Variants in HSD3B1 observed in about 807,000 individuals in gnomAD.
HSD3B1 encodes hydroxy-delta-5-steroid dehydrogenase, 3 beta- and steroid delta-isomerase 1.
HSD3B1 carries 11 observed loss-of-function variants against 10.4 expected under a neutral mutation model. That is an observed-to-expected ratio of 1.05 (90% CI 0.66 to 1.75). The LOEUF (loss-of-function observed/expected upper bound fraction) is 1.75. Among genes scored for constraint, HSD3B1 ranks in the 40% most tolerant of loss-of-function variants. The pLI is 0.00. For synonymous variants in HSD3B1, 217 were observed against 185.4 expected, an observed-to-expected ratio of 1.17 and a Z score of -1.39; for missense variants, 490 against 454.5, an observed-to-expected ratio of 1.08 and a Z score of -0.71.
chr1:119,507,252 TCTAA>T lies in HSD3B1; in HGVS notation c.-91_-88del, dbSNP rs1297606752. 2 of 524,266 alleles carry T rather than the reference TCTAA, an allele frequency of 3.8e-6. No individual in the cohort carries two copies. Among genetic ancestry groups the T allele is most frequent in the African/African-American group, 3.8e-5 (2 of 51,994 alleles). 32.5% of individuals were successfully genotyped at this position (524,266 alleles called of 1,614,324 possible). Reference sequence around the variant, plus strand: ...CACTCTTCTGTCCAGCTTTTAACAATCTAACTAATGGTTAGAGATTTTTCATTTT... The same window carrying T: ...CACTCTTCTGTCCAGCTTTTAACAATCTAATGGTTAGAGATTTTTCATTTT... On this transcript the variant is annotated 5_prime_UTR_variant, in exon 1 of 4. It adds an upstream start codon to the 5' untranslated region. Transcript: ENST00000369413.
intron 2 of HSD3B1, among the ~76,000 whole-genome samples, chr1:119,510,712 G>GTTT (rs1265546430): frequency 7.2e-4 from 28 of 39,094 alleles, no homozygotes; most frequent in Non-Finnish European, 1.3e-3. Flanking sequence ...TGCTTGTGTG[G>GTTT]TTTTCTTTTT....
chr1:119,510,743 TTTTTTTTTTTTG>T (rs1653914578), intron 2 of HSD3B1, among the ~76,000 whole-genome samples: 2 of 93,276 alleles, frequency 2.1e-5, no homozygotes, highest in South Asian at 4.4e-4. Flanking sequence ...TTTTTTTTTT[TTTTTTTTTTTTG>T]AGACAAGGTG....
rs1234276841 is a variant in HSD3B1 at position 119,513,934 on chromosome 1, C to G, written c.411C>G (p.Ile137Met). The G allele has an allele frequency of 3.1e-6, 5 of 1,613,930 alleles. No individual in the cohort carries two copies. The Admixed American group carries it at 6.7e-5, about 22-fold the overall frequency. Residue 137 changes from isoleucine to methionine, a missense_variant, in exon 4 of 4, where the codon ATC (isoleucine) becomes ATG (methionine). Physicochemically the swap from Ile to Met is conservative, Grantham distance 10 (BLOSUM62 1). Coordinates refer to ENST00000369413, the MANE Select transcript of HSD3B1 (RefSeq NM_000862.3). ...CCGGGCCCAACTCCTACAAGGAAAT[C>G]ATCCAGAATGGCCATGAAGAAGAGC... ...EVAGPNSYKE[I>M]IQNGHEEEPL...
intron 3 of HSD3B1, among the ~76,000 whole-genome samples, chr1:119,512,130 C>A (rs1224290251): frequency 6.6e-6 from 1 of 152,174 alleles, no homozygotes; most frequent in Non-Finnish European, 1.5e-5. Flanking sequence ...ACATTCAGAG[C>A]CCTCCTGCCC....
chr1:119,514,188 AC>A lies in HSD3B1; in HGVS notation c.668del (p.Pro223GlnfsTer15), dbSNP rs1261073564. ...AGTGTTGGAAAGTTCTCCACTGTTA[AC>A]CCAGTCTATGTTGGCAATGTGGCCT... is the stretch of plus-strand genomic sequence containing the variant. ...LSSVGKFSTV[N>X]PVYVGNVAWA... On this transcript the variant is annotated frameshift_variant, in exon 4 of 4. Transcript: ENST00000369413. LOFTEE classifies it low-confidence loss of function (END_TRUNC). 8.2e-5 allele frequency: 133 copies of A among 1,613,572 alleles called. No individual in the cohort carries two copies. Among genetic ancestry groups the A allele is most frequent in the Non-Finnish European group, 1.1e-4 (128 of 1,179,666 alleles).
Position 119,514,190 on chromosome 1 carries a change from C to G in HSD3B1, c.667C>G (p.Pro223Ala). 4 of 1,613,446 alleles carry G rather than the reference C, an allele frequency of 2.5e-6. No homozygotes were observed. The highest frequency in any genetic ancestry group is 3.4e-6 in the Non-Finnish European group (4 of 1,179,412). Residue 223 changes from proline to alanine, a missense_variant, in exon 4 of 4, where the codon CCA (proline) becomes GCA (alanine). Physicochemically the swap from Pro to Ala is conservative, Grantham distance 27. Transcript: ENST00000369413. ...SSVGKFSTVN[P>A]VYVGNVAWAH... The stretch of plus-strand genomic sequence containing the variant: ...TGTTGGAAAGTTCTCCACTGTTAAC[C>G]CAGTCTATGTTGGCAATGTGGCCTG...
At chr1:119,509,738 G>A (rs1187825485) in intron 2 of HSD3B1, among the ~76,000 whole-genome samples, 2 of 152,174 alleles carry the variant, frequency 1.3e-5, no homozygotes, top group East Asian at 1.9e-4. Flanking sequence ...AGAGCAAGTG[G>A]TCCTGCTTGT....
intron 2 of HSD3B1, among the ~76,000 whole-genome samples, chr1:119,509,016 T>C (rs7521487): frequency 0.016 from 2,415 of 152,326 alleles, 72 homozygotes; most frequent in African/African-American, 0.054. Flanking sequence ...GCAGATCATA[T>C]AATAGACAGG....
Position 119,514,934 on chromosome 1 carries a change from G to T in HSD3B1, c.*289G>T, listed in dbSNP as rs1654066294. On this transcript the variant is annotated 3_prime_UTR_variant, in exon 4 of 4. Transcript: ENST00000369413. Reference sequence around the variant, plus strand: ...AATTTAGGGACTCTTTTAACTTGAGGGTCGTTTTGACTACTAGAGCTCCAT... The same window carrying T: ...AATTTAGGGACTCTTTTAACTTGAGTGTCGTTTTGACTACTAGAGCTCCAT... 1 of 421,266 alleles carries T rather than the reference G, an allele frequency of 2.4e-6. No homozygotes were observed. The highest frequency in any genetic ancestry group is 4.2e-6 in the Non-Finnish European group (1 of 235,582). The allele number at this position is 421,266 out of a possible 1,614,324, so 26.1% of individuals were successfully genotyped here. A position where few individuals can be genotyped will look rare whatever the true frequency, so the allele number is the denominator to read the frequency against.
At position 119,514,930 on chromosome 1, in the gene HSD3B1, TGAGGG is replaced by T. The variant is rs2101466892; in HGVS notation, c.*286_*290del. 1 of 431,364 alleles carries T rather than the reference TGAGGG, an allele frequency of 2.3e-6. No individual in the cohort carries two copies. The highest frequency in any genetic ancestry group is 4.1e-6 in the Non-Finnish European group (1 of 241,504). The allele number at this position is 431,364 out of a possible 1,614,324, so 26.7% of individuals were successfully genotyped here. Reference sequence around the variant, plus strand: ...GAACAATTTAGGGACTCTTTTAACTTGAGGGTCGTTTTGACTACTAGAGCTCCATT... The same window carrying T: ...GAACAATTTAGGGACTCTTTTAACTTTCGTTTTGACTACTAGAGCTCCATT... On this transcript the variant is annotated 3_prime_UTR_variant, in exon 4 of 4. Transcript: ENST00000369413.
At chr1:119,510,930 G>A (rs905965273) in intron 2 of HSD3B1, among the ~76,000 whole-genome samples, 1 of 151,368 alleles carries the variant, frequency 6.6e-6, no homozygotes, top group African/African-American at 2.4e-5. Context: ...TATTTTAATA[G>A]AAATGGGATT....
chr1:119,509,775 C>T (rs1653885182), intron 2 of HSD3B1, among the ~76,000 whole-genome samples: 2 of 152,172 alleles, frequency 1.3e-5, no homozygotes, highest in South Asian at 2.1e-4. Context: ...TCTCCAGCTT[C>T]GAATTTTTCA....
Position 119,507,559 on chromosome 1 carries a change from A to G in HSD3B1, c.83A>G (p.Glu28Gly). The G allele has an allele frequency of 6.2e-7, 1 of 1,614,006 alleles. No homozygotes were observed. Among genetic ancestry groups the G allele is most frequent in the Non-Finnish European group, 8.5e-7 (1 of 1,179,936 alleles). Residue 28 changes from glutamate to glycine, a missense_variant, in exon 2 of 4, where the codon GAG becomes GGG. Glu to Gly is a moderately conservative substitution (Grantham distance 98). Coordinates refer to ENST00000369413, the MANE Select transcript of HSD3B1 (RefSeq NM_000862.3). ...ATCCGCCTCTTGGTGAAGGAGAAGGAGCTGAAGGAGATCAGGGTCTTGGAC... is the reference window on the plus strand; with the variant it reads ...ATCCGCCTCTTGGTGAAGGAGAAGGGGCTGAAGGAGATCAGGGTCTTGGAC... ...RIIRLLVKEK[E>G]LKEIRVLDKA...
intron 2 of HSD3B1, among the ~76,000 whole-genome samples, chr1:119,511,298 G>C (rs1473695750): frequency 6.6e-6 from 1 of 152,184 alleles, no homozygotes; most frequent in Non-Finnish European, 1.5e-5. Context: ...AGATGGGAGA[G>C]AAACAGATGT....
chr1:119,508,243 A>C (rs1042637984), intron 2 of HSD3B1, among the ~76,000 whole-genome samples: 7 of 152,092 alleles, frequency 4.6e-5, no homozygotes, highest in African/African-American at 1.7e-4. Context: ...TGAAAAATAT[A>C]TAGTGAGAGA....
At chr1:119,511,956 C>T (rs1653950222) in intron 3 of HSD3B1, 3 of 359,282 alleles carry the variant, frequency 8.3e-6, no homozygotes, top group Non-Finnish European at 1.6e-5. Flanking sequence ...GCTCTTTCTA[C>T]TGTGACTCCA....
intron 2 of HSD3B1, among the ~76,000 whole-genome samples, chr1:119,510,719 T>TTTC (rs2101458908): frequency 1.8e-5 from 1 of 56,034 alleles, no homozygotes; most frequent in African/African-American, 1.5e-4. Context: ...GTGGTTTTCT[T>TTTC]TTTTTTTTTT....
intron 2 of HSD3B1, among the ~76,000 whole-genome samples, chr1:119,510,781 C>T (rs1407675432): frequency 2.5e-5 from 3 of 120,314 alleles, no homozygotes; most frequent in African/African-American, 3.1e-5. Context: ...GCTCTACCAC[C>T]CAGGCTAGAG....
intron 3 of HSD3B1, among the ~76,000 whole-genome samples, chr1:119,513,616 T>C (rs1654008656): frequency 6.6e-6 from 1 of 152,152 alleles, no homozygotes; most frequent in South Asian, 2.1e-4. Context: ...CTAGAAATTC[T>C]TACTCTCCAG....
Sources: allele counts gnomAD v4.1 joint callset (sites outside exome capture counted in the v4.1 genomes callset), GRCh38; gene constraint gnomAD v4.1.1; transcripts MANE v1.5; gene names NCBI Gene and HGNC (gene_info 2026-07-23, HGNC 2026-07-21).